The following M1AP variants were observed in gnomAD, a reference collection of about 807,000 sequenced individuals.
M1AP encodes the protein meiosis 1 arrest protein.
A neutral mutation model predicts 51.2 loss-of-function variants in M1AP; 39 were observed. The ratio of observed to expected loss-of-function variants is 0.76; its 90% CI spans 0.59 to 1.00. The LOEUF is 1.00. M1AP is among the 50% of genes least tolerant of loss of function. The probability of loss-of-function intolerance (pLI) is 0.00; values close to 1 mark genes in which losing one functional copy is unlikely to be tolerated. For synonymous variants in M1AP, 251 were observed against 249.2 expected, an observed-to-expected ratio of 1.01 and a Z score of -0.07; for missense variants, 545 against 641.2, an observed-to-expected ratio of 0.85 and a Z score of 1.62.
chr2:74,580,212 A>C (rs1456886232), intron 5 of M1AP, among the ~76,000 whole-genome samples: 1 of 152,214 alleles, frequency 6.6e-6, no homozygotes, highest in Non-Finnish European at 1.5e-5. Flanking sequence ...GTGTTATGTG[A>C]AGATAAAATG....
At chr2:74,587,916 C>T (rs931069965) in intron 4 of M1AP, among the ~76,000 whole-genome samples, 1 of 152,148 alleles carries the variant, frequency 6.6e-6, no homozygotes, top group South Asian at 2.1e-4. Context: ...TTAGGTAATA[C>T]CTGAAGTAGA....
chr2:74,611,895 T>TTTG (rs1558680541), intron 3 of M1AP, among the ~76,000 whole-genome samples: 3 of 81,178 alleles, frequency 3.7e-5, no homozygotes, highest in Non-Finnish European at 7.6e-5. Context: ...TTTTTTTTTT[T>TTTG]TTTTTTTTTT....
At chr2:74,645,918 A>T (rs1002517845) in intron 1 of M1AP, among the ~76,000 whole-genome samples, 5 of 152,246 alleles carry the variant, frequency 3.3e-5, no homozygotes, top group Non-Finnish European at 7.3e-5. Flanking sequence ...CAGTTACTAC[A>T]GTTTAGTTAA....
intron 2 of M1AP, among the ~76,000 whole-genome samples, chr2:74,622,024 G>A (rs984910758): frequency 2.0e-5 from 3 of 150,632 alleles, no homozygotes; most frequent in African/African-American, 7.3e-5. Context: ...GGAGACTGAG[G>A]CATAAGAATC....
At chr2:74,623,807 G>A (rs1444734499) in intron 2 of M1AP, among the ~76,000 whole-genome samples, 1 of 152,094 alleles carries the variant, frequency 6.6e-6, no homozygotes, top group Non-Finnish European at 1.5e-5. Flanking sequence ...GAGTAGCTGG[G>A]ACTACAGGCA....
intron 2 of M1AP, chr2:74,628,564 A>C: frequency 1.8e-6 from 1 of 550,248 alleles, no homozygotes; most frequent in Non-Finnish European, 3.4e-6. Flanking sequence ...CCCAATCAAA[A>C]GATTCTTGAT....
chr2:74,615,636 G>T lies in M1AP; in HGVS notation c.241-487C>A, dbSNP rs3025977. ...ACGTCCTATCTAATACGCTCTTTAG[G>T]ATAACTTCAGTAAAGAAGAGATATT... On this transcript the variant is annotated intron_variant, in intron 2 of 10. Transcript: ENST00000421985. 1,171 of 156,296 alleles carry T rather than the reference G, an allele frequency of 7.5e-3. 7 individuals carry two copies. Among genetic ancestry groups the T allele is most frequent in the Middle Eastern group, 0.017 (5 of 298 alleles). The allele number at this position is 156,296 out of a possible 1,614,324, so 9.7% of individuals were successfully genotyped here.
intron 4 of M1AP, among the ~76,000 whole-genome samples, chr2:74,584,439 T>C (rs1679583595): frequency 7.1e-6 from 1 of 140,104 alleles, no homozygotes; most frequent in Admixed American, 7.3e-5. Context: ...TGAGACACTG[T>C]CTCAGTTGCA....
intron 3 of M1AP, among the ~76,000 whole-genome samples, chr2:74,611,722 T>G (rs1478775861): frequency 2.6e-5 from 4 of 151,216 alleles, no homozygotes; most frequent in African/African-American, 9.7e-5. Flanking sequence ...ATCCCAGCTA[T>G]TCGGGAAGCT....
chr2:74,601,297 C>G (rs367549886), intron 4 of M1AP, among the ~76,000 whole-genome samples: 1 of 151,308 alleles, frequency 6.6e-6, no homozygotes, highest in East Asian at 1.9e-4. Context: ...TGTGCCAATA[C>G]GGAAAAAATC....
chr2:74,633,279 C>A (rs1682803428), intron 2 of M1AP, among the ~76,000 whole-genome samples: 1 of 152,152 alleles, frequency 6.6e-6, no homozygotes, highest in African/African-American at 2.4e-5. Context: ...GCTTCTAAAC[C>A]TTTTCTTAGG....
intron 2 of M1AP, among the ~76,000 whole-genome samples, chr2:74,639,607 A>G (rs950954514): frequency 2.0e-5 from 3 of 152,208 alleles, no homozygotes; most frequent in African/African-American, 4.8e-5. Flanking sequence ...GGGCTTTCTG[A>G]GCAAAGAAAA....
intron 4 of M1AP, among the ~76,000 whole-genome samples, chr2:74,590,194 G>A (rs1679958464): frequency 6.6e-6 from 1 of 152,164 alleles, no homozygotes; most frequent in African/African-American, 2.4e-5. Flanking sequence ...AGGCTGGGAA[G>A]TCCAAGATCA....
In M1AP at chr2:74,560,283, C is replaced by T. The variant is rs1280074357; in HGVS notation, c.1290G>A (p.Leu430=). The T allele has an allele frequency of 1.3e-6, 2 of 1,599,842 alleles. No individual in the cohort carries two copies. The highest frequency in any genetic ancestry group is 1.7e-6 in the Non-Finnish European group (2 of 1,174,196). ...AGGTGGGCTCCAGCTCCAGGCTGTC[C>T]AGCATGCTCTGAGGAAAAGAGAGGA... ...DDSLKNVESM[L]DSLELEPTYN... The change falls in exon 9 of 11, where the codon CTG becomes CTA. Residue 430 remains leucine (L), a synonymous_variant. Coordinates refer to ENST00000421985, the MANE Select transcript of M1AP (RefSeq NM_001321739.2).
chr2:74,576,767 G>C (rs887578675), intron 5 of M1AP, 149 bp from the exon 6 acceptor site: 1 of 1,208,954 alleles, frequency 8.3e-7, no homozygotes, highest in East Asian at 2.6e-5. Context: ...GGAGGCAGGA[G>C]AGTGGAAAGA....
Position 74,573,281 on chromosome 2 carries a change from C to T in M1AP, c.1074+2157G>A, listed in dbSNP as rs374824935. 8.2e-4 allele frequency among the ~76,000 whole-genome samples: 125 copies of T among 152,112 alleles called. 2 individuals carry two copies. Among genetic ancestry groups the T allele is most frequent in the African/African-American group, 2.8e-3 (116 of 41,490 alleles). ...ATGTTGGCCAGGCTGGTCTCGAACACCTGACCTTGTGATCCACTCACTTCG... is the reference window on the plus strand; with the variant it reads ...ATGTTGGCCAGGCTGGTCTCGAACATCTGACCTTGTGATCCACTCACTTCG... On this transcript the variant is annotated intron_variant, in intron 7 of 10. Coordinates refer to ENST00000421985, the MANE Select transcript of M1AP (RefSeq NM_001321739.2).
At chr2:74,562,057 CT>C in intron 8 of M1AP, 159 bp downstream of exon 8, 3 of 985,460 alleles carry the variant, frequency 3.0e-6, no homozygotes, top group Non-Finnish European at 2.4e-6. Flanking sequence ...TTACTTCCTT[CT>C]TCTGGCATAA....
In M1AP at chr2:74,614,996, T is replaced by C. The variant is rs559352253; in HGVS notation, c.394A>G (p.Thr132Ala). Reference protein sequence around the residue: ...QFKQYSRHVTTRAALTYTSLE... With the variant: ...QFKQYSRHVTARAALTYTSLE... ...GAGGTATAGGTCAGAGCTGCCCTTG[T>C]GGTCACATGTCTGCTGTATTGTTTG... Residue 132 changes from threonine (T) to alanine (A), a missense_variant, in exon 3 of 11, where the codon ACA becomes GCA. By Grantham distance (58) the Thr-to-Ala change is moderately conservative. Coordinates refer to ENST00000421985, the MANE Select transcript of M1AP (RefSeq NM_001321739.2). 2 of 1,614,156 alleles carry C rather than the reference T, an allele frequency of 1.2e-6. No individual in the cohort carries two copies. Among genetic ancestry groups the C allele is most frequent in the East Asian group, 4.5e-5 (2 of 44,884 alleles).
chr2:74,579,727 T>A (rs1388123579), intron 5 of M1AP, among the ~76,000 whole-genome samples: 1 of 152,200 alleles, frequency 6.6e-6, no homozygotes, highest in Admixed American at 6.5e-5. Flanking sequence ...GGTAAAATAC[T>A]ACTTCTAAGT....
Sources: allele counts gnomAD v4.1 joint callset (sites outside exome capture counted in the v4.1 genomes callset), GRCh38; gene constraint gnomAD v4.1.1; transcripts MANE v1.5; gene names NCBI Gene and HGNC (gene_info 2026-07-23, HGNC 2026-07-21).